The following TLL2 variants were observed in gnomAD, a reference collection of about 807,000 sequenced individuals.
TLL2 encodes tolloid like 2.
A neutral mutation model predicts 123.0 loss-of-function variants in TLL2; 106 were observed. That is an observed-to-expected ratio of 0.86 (90% CI 0.74 to 1.01). The LOEUF is 1.01. Among genes scored for constraint, TLL2 ranks in the 50% least tolerant of loss-of-function variants. The pLI is 0.00. For synonymous variants in TLL2, 494 were observed against 516.8 expected, an observed-to-expected ratio of 0.96 and a Z score of 0.60; for missense variants, 1,332 against 1,336.7, an observed-to-expected ratio of 1.00 and a Z score of 0.06.
At chr10:96,409,910 A>G (rs999637889) in intron 9 of TLL2, among the ~76,000 whole-genome samples, 1 of 152,128 alleles carries the variant, frequency 6.6e-6, no homozygotes, top group Non-Finnish European at 1.5e-5. Context: ...GCTGTTTGCA[A>G]AAGAGGAGTG....
intron 2 of TLL2, among the ~76,000 whole-genome samples, chr10:96,458,126 G>A (rs1315300408): frequency 1.3e-5 from 2 of 152,090 alleles, no homozygotes; most frequent in African/African-American, 4.8e-5. Flanking sequence ...GGACATGGAT[G>A]CTGCTCGCCA....
intron 2 of TLL2, among the ~76,000 whole-genome samples, chr10:96,463,946 G>A (rs1168174572): frequency 6.6e-6 from 1 of 152,234 alleles, no homozygotes; most frequent in Non-Finnish European, 1.5e-5. Flanking sequence ...GAGCCAACCA[G>A]GAATTCAAAG....
At chr10:96,455,586 T>G (rs1847006263) in intron 2 of TLL2, among the ~76,000 whole-genome samples, 1 of 152,158 alleles carries the variant, frequency 6.6e-6, no homozygotes, top group African/African-American at 2.4e-5. Context: ...GCCACAAGAG[T>G]GACCTCTGGT....
intron 19 of TLL2, 48 bp downstream of exon 19, chr10:96,373,548 C>G: frequency 6.4e-7 from 1 of 1,568,850 alleles, no homozygotes; most frequent in Non-Finnish European, 8.8e-7. Flanking sequence ...TTCTCTGTCT[C>G]CTGTCCAAGT....
At chr10:96,447,152 C>T (rs1250365739) in intron 2 of TLL2, among the ~76,000 whole-genome samples, 1 of 151,956 alleles carries the variant, frequency 6.6e-6, no homozygotes, top group Non-Finnish European at 1.5e-5. Flanking sequence ...AGAGGATCCT[C>T]CGCAGGGGAA....
chr10:96,379,207 T>G, intron 16 of TLL2, 115 bp from the exon 17 acceptor site: 3 of 1,322,494 alleles, frequency 2.3e-6, no homozygotes, highest in Non-Finnish European at 3.1e-6. Flanking sequence ...ATTGCTCCCC[T>G]TCCCCCTCTG....
intron 13 of TLL2, among the ~76,000 whole-genome samples, chr10:96,389,394 CA>C (rs1284469803): frequency 6.6e-6 from 1 of 152,106 alleles, no homozygotes; most frequent in East Asian, 1.9e-4. Context: ...AATGATGGGG[CA>C]GTGAAAAGAT....
At chr10:96,506,113 A>C (rs1444419785) in intron 1 of TLL2, among the ~76,000 whole-genome samples, 1 of 151,852 alleles carries the variant, frequency 6.6e-6, no homozygotes, top group African/African-American at 2.4e-5. Flanking sequence ...TTAGCCAGGC[A>C]TGGTGGCGGG....
Position 96,395,225 on chromosome 10 carries a change from G to C in TLL2, c.1688C>G (p.Ser563Cys). 6.2e-7 allele frequency: 1 copy of C among 1,611,050 alleles called. No homozygotes were observed. Among genetic ancestry groups the C allele is most frequent in the East Asian group, 2.2e-5 (1 of 44,818 alleles). Residue 563 changes from serine (S) to cysteine (C), a missense_variant, in exon 13 of 21, where the codon TCT (serine) becomes TGT (cysteine). Physicochemically the swap from Ser to Cys is moderately radical, Grantham distance 112 (BLOSUM62 -1). Coordinates refer to ENST00000357947, the MANE Select transcript of TLL2 (RefSeq NM_012465.4). ...RLWMKFVSDG[S>C]INKAGFAANF... The stretch of plus-strand genomic sequence containing the variant: ...GGCTGCAAAGCCCGCTTTATTGATA[G>C]AGCCATCGGACACAAACTTCATCCA...
At chr10:96,388,604 A>C (rs1846258726) in intron 13 of TLL2, among the ~76,000 whole-genome samples, 1 of 152,128 alleles carries the variant, frequency 6.6e-6, no homozygotes, top group African/African-American at 2.4e-5. Flanking sequence ...GACTCTCACT[A>C]CTTTTCAAAG....
chr10:96,383,052 G>T (rs1564895060), intron 16 of TLL2, among the ~76,000 whole-genome samples: 1 of 151,564 alleles, frequency 6.6e-6, no homozygotes, highest in Non-Finnish European at 1.5e-5. Context: ...GGGTTTAGGA[G>T]TAGAAGGTGA....
At chr10:96,512,700 A>C (rs1847643172) in intron 1 of TLL2, among the ~76,000 whole-genome samples, 3 of 152,234 alleles carry the variant, frequency 2.0e-5, no homozygotes, top group Admixed American at 2.0e-4. Flanking sequence ...GAACTGCCCC[A>C]CACTCATCAG....
chr10:96,446,028 G>C, intron 3 of TLL2, 63 bp downstream of exon 3: 1 of 1,499,248 alleles, frequency 6.7e-7, no homozygotes, highest in Non-Finnish European at 9.3e-7. Context: ...CTTATGTCAC[G>C]TGTATTTTTC....
At chr10:96,373,863 G>A in intron 18 of TLL2, 54 bp from the exon 19 acceptor site, 2 of 1,549,364 alleles carry the variant, frequency 1.3e-6, no homozygotes, top group Non-Finnish European at 1.8e-6. Flanking sequence ...AGCTGGGGTG[G>A]GGGCCTCCTT....
chr10:96,402,931 T>G (rs1352324073), intron 10 of TLL2, among the ~76,000 whole-genome samples: 1 of 152,168 alleles, frequency 6.6e-6, no homozygotes, highest in Non-Finnish European at 1.5e-5. Flanking sequence ...TATCTCCATC[T>G]TGGCCAACCA....
chr10:96,380,526 A>AAAC (rs1846176285), intron 16 of TLL2, among the ~76,000 whole-genome samples: 1 of 151,494 alleles, frequency 6.6e-6, no homozygotes, highest in Admixed American at 6.6e-5. Flanking sequence ...AAAATACAAA[A>AAAC]AATAATAATA....
intron 2 of TLL2, among the ~76,000 whole-genome samples, chr10:96,455,007 T>C (rs2134091347): frequency 6.6e-6 from 1 of 152,294 alleles, no homozygotes; most frequent in African/African-American, 2.4e-5. Context: ...CCAGGCATGG[T>C]ATTTCTTTAA....
At chr10:96,444,928 G>T (rs1328923014) in intron 3 of TLL2, among the ~76,000 whole-genome samples, 3 of 152,212 alleles carry the variant, frequency 2.0e-5, no homozygotes, top group Admixed American at 6.5e-5. Context: ...GGTGGCTCAC[G>T]CCTGTAATCC....
chr10:96,459,067 T>C (rs1847047169), intron 2 of TLL2, among the ~76,000 whole-genome samples: 1 of 152,200 alleles, frequency 6.6e-6, no homozygotes, highest in East Asian at 1.9e-4. Flanking sequence ...TATCGCAATT[T>C]ATGAAAATAA....
Sources: gnomAD v4.1 joint callset for allele counts (sites outside exome capture counted in the v4.1 genomes callset) on GRCh38, gnomAD v4.1.1 for gene constraint, MANE v1.5 for transcripts, NCBI Gene and HGNC (gene_info 2026-07-23, HGNC 2026-07-21) for gene names.